FBXO11: variants seen among roughly 807,000 people sequenced by gnomAD.
FBXO11 encodes the protein F-box protein 11, also known as F-box only protein 11.
In FBXO11, 13 loss-of-function variants were observed where a neutral mutation model predicts 117.0. The ratio of observed to expected loss-of-function variants is 0.11; its 90% CI spans 0.07 to 0.18. The LOEUF (loss-of-function observed/expected upper bound fraction) is 0.18, where lower values mean the gene tolerates loss of function less well. Among genes scored for constraint, FBXO11 ranks in the 10% least tolerant of loss-of-function variants. FBXO11 has a pLI of 1.00. For missense variants in FBXO11, 767 were observed against 1,164.4 expected (o/e 0.66, Z 4.97); for synonymous variants, 490 against 380.5 (o/e 1.29, Z -3.35).
chr2:47,808,536 A>C, intron 21 of FBXO11, 109 bp from the exon 22 acceptor site: 3 of 855,460 alleles, frequency 3.5e-6, no homozygotes, highest in Non-Finnish European at 5.2e-6. Context: ...ACCAAAACAA[A>C]ATTCTTTGTG....
At chr2:47,879,820 C>T (rs992205523) in intron 1 of FBXO11, among the ~76,000 whole-genome samples, 4 of 152,174 alleles carry the variant, frequency 2.6e-5, no homozygotes, top group African/African-American at 9.7e-5. Context: ...AAGGGTTTGA[C>T]TACTTTAGAT....
At chr2:47,842,315 G>A (rs1174126722) in intron 1 of FBXO11, among the ~76,000 whole-genome samples, 1 of 152,136 alleles carries the variant, frequency 6.6e-6, no homozygotes, top group Non-Finnish European at 1.5e-5. Context: ...GCGCCCGGCA[G>A]GAGGAGAATA....
intron 19 of FBXO11, 194 bp from the exon 20 acceptor site, chr2:47,809,901 G>T (rs1275507080): frequency 3.7e-6 from 2 of 537,198 alleles, no homozygotes; most frequent in East Asian, 6.1e-5. Context: ...GGTCAAAACT[G>T]CAATTAACTT....
chr2:47,817,469 T>C (rs899160442), intron 16 of FBXO11, among the ~76,000 whole-genome samples: 3 of 151,090 alleles, frequency 2.0e-5, no homozygotes, highest in African/African-American at 7.2e-5. Flanking sequence ...ATGTGTTTAC[T>C]GGAATAGCAT....
chr2:47,899,208 A>G (rs1426558181), intron 1 of FBXO11, among the ~76,000 whole-genome samples: 1 of 146,910 alleles, frequency 6.8e-6, no homozygotes, highest in Non-Finnish European at 1.5e-5. Flanking sequence ...CGGGAGGCGG[A>G]GCTTGCGGTG....
chr2:47,900,681 TATACACACA>T (rs1678114219), intron 1 of FBXO11, among the ~76,000 whole-genome samples: 1 of 92,204 alleles, frequency 1.1e-5, no homozygotes, highest in Non-Finnish European at 2.3e-5. Context: ...TATACACACG[TATACACACA>T]CGTATACACA....
intron 7 of FBXO11, among the ~76,000 whole-genome samples, chr2:47,833,442 T>G (rs999445894): frequency 1.3e-5 from 2 of 152,164 alleles, no homozygotes; most frequent in Non-Finnish European, 2.9e-5. Context: ...GGCCTCGATT[T>G]AGAAAGTAAT....
At position 47,847,220 on chromosome 2, in the gene FBXO11, G is replaced by C. The variant is rs184819243; in HGVS notation, c.233-7451C>G. On this transcript the variant is annotated intron_variant, in intron 1 of 22. Coordinates refer to ENST00000403359, the MANE Select transcript of FBXO11 (RefSeq NM_001190274.2). ...ACATTGTGCAACTGCACTCCAGCCTGAGTGACAGAGTGAGACTCTGTCTCA... is the reference window on the plus strand; with the variant it reads ...ACATTGTGCAACTGCACTCCAGCCTCAGTGACAGAGTGAGACTCTGTCTCA... 3.9e-5 allele frequency among the ~76,000 whole-genome samples: 6 copies of C among 152,314 alleles called. No individual in the cohort carries two copies. In the East Asian group the frequency reaches 9.6e-4, roughly 24 times the overall value.
chr2:47,826,171 G>A (rs1671741743), intron 11 of FBXO11, among the ~76,000 whole-genome samples: 1 of 151,946 alleles, frequency 6.6e-6, no homozygotes, highest in Non-Finnish European at 1.5e-5. Flanking sequence ...CCATTCTCCT[G>A]CCTTAGCCTC....
intron 16 of FBXO11, among the ~76,000 whole-genome samples, chr2:47,815,940 T>C (rs1449021417): frequency 6.6e-6 from 1 of 152,182 alleles, no homozygotes; most frequent in East Asian, 1.9e-4. Context: ...AAGCCATGCA[T>C]GGCCCACGCT....
chr2:47,855,638 A>C (rs1674229929), intron 1 of FBXO11, among the ~76,000 whole-genome samples: 1 of 152,130 alleles, frequency 6.6e-6, no homozygotes, highest in Admixed American at 6.5e-5. Flanking sequence ...GTTCGAGACC[A>C]GCCTGACCAA....
intron 1 of FBXO11, chr2:47,905,244 C>T: frequency 3.8e-6 from 1 of 263,110 alleles, no homozygotes; most frequent in Non-Finnish European, 7.0e-6. Flanking sequence ...GTGCTGAGCC[C>T]CCGAAACCAA....
intron 20 of FBXO11, 150 bp from the exon 21 acceptor site, chr2:47,809,416 G>A: frequency 1.5e-6 from 1 of 686,382 alleles, no homozygotes; most frequent in East Asian, 2.8e-5. Context: ...AATCAGCTAA[G>A]AATAGAATTT....
chr2:47,904,481 C>T (rs1300151103), intron 1 of FBXO11, among the ~76,000 whole-genome samples: 2 of 152,126 alleles, frequency 1.3e-5, no homozygotes, highest in Non-Finnish European at 2.9e-5. Context: ...GGAGCCTCAG[C>T]CCTTAGACAA....
chr2:47,864,573 G>A (rs958672422), intron 1 of FBXO11, among the ~76,000 whole-genome samples: 1 of 152,044 alleles, frequency 6.6e-6, no homozygotes, highest in Non-Finnish European at 1.5e-5. Context: ...GACGACAAGA[G>A]TAAAACTCCA....
intron 1 of FBXO11, among the ~76,000 whole-genome samples, chr2:47,851,892 C>A (rs1353593843): frequency 6.6e-6 from 1 of 151,918 alleles, no homozygotes; most frequent in Admixed American, 6.6e-5. Flanking sequence ...TGAATTCACA[C>A]AAGAAACAAC....
intron 1 of FBXO11, among the ~76,000 whole-genome samples, chr2:47,842,241 C>G (rs915893508): frequency 6.6e-6 from 1 of 152,016 alleles, no homozygotes; most frequent in Admixed American, 6.5e-5. Flanking sequence ...GTCTTCATCT[C>G]TTGACCTCGT....
chr2:47,902,069 G>A (rs968796273), intron 1 of FBXO11, among the ~76,000 whole-genome samples: 5 of 152,200 alleles, frequency 3.3e-5, no homozygotes, highest in African/African-American at 4.8e-5. Flanking sequence ...CAGAGTAGCT[G>A]GGATTACAGG....
rs1672283432 is a variant in FBXO11, at chr2:47,832,688, A to G, written c.1154-10T>C. On this transcript the variant is annotated splice_polypyrimidine_tract_variant and intron_variant, in intron 9 of 22. Coordinates refer to ENST00000403359, the MANE Select transcript of FBXO11 (RefSeq NM_001190274.2). The stretch of plus-strand genomic sequence containing the variant: ...CATACTGCAGAACCAACTGTAGAAA[A>G]ATTATTTATTTATGTAAAAACCTAC... 6.2e-7 allele frequency: 1 copy of G among 1,612,370 alleles called. No homozygotes were observed. Among genetic ancestry groups the G allele is most frequent in the Admixed American group, 1.7e-5 (1 of 59,840 alleles).
Sources: gnomAD v4.1 joint callset for allele counts (sites outside exome capture counted in the v4.1 genomes callset) on GRCh38, gnomAD v4.1.1 for gene constraint, MANE v1.5 for transcripts, NCBI Gene and HGNC (gene_info 2026-07-23, HGNC 2026-07-21) for gene names.